UTRN: variants seen among roughly 807,000 people sequenced by gnomAD.
The protein encoded by UTRN is dystrophin-related protein 1.
A neutral mutation model predicts 463.9 loss-of-function variants in UTRN; 283 were observed. The observed-to-expected ratio is 0.61, with a 90% confidence interval of 0.55 to 0.67. The LOEUF (loss-of-function observed/expected upper bound fraction) is 0.67. UTRN is among the 30% of genes least tolerant of loss of function. The pLI, the probability that UTRN is intolerant of heterozygous loss-of-function variation, is 0.00. For synonymous variants in UTRN, 1,442 were observed against 1,431.5 expected (o/e 1.01, Z -0.17); for missense variants, 3,922 against 4,084.3 (o/e 0.96, Z 1.08).
chr6:144,734,256 G>A (rs568090861), intron 54 of UTRN, among the ~76,000 whole-genome samples: 7 of 152,224 alleles, frequency 4.6e-5, no homozygotes, highest in African/African-American at 1.4e-4. Flanking sequence ...AAACTGTAGA[G>A]AATTCTTTGA....
intron 57 of UTRN, among the ~76,000 whole-genome samples, chr6:144,757,121 CA>C (rs1000891892): frequency 6.7e-6 from 1 of 149,978 alleles, no homozygotes; most frequent in Non-Finnish European, 1.5e-5. Flanking sequence ...GTTCATTTAG[CA>C]AAATTCTTTT....
intron 23 of UTRN, among the ~76,000 whole-genome samples, chr6:144,463,839 C>T (rs1313681891): frequency 6.6e-6 from 1 of 151,198 alleles, no homozygotes; most frequent in Non-Finnish European, 1.5e-5. Flanking sequence ...GATAGATTCT[C>T]TTGGAAGCTA....
intron 60 of UTRN, among the ~76,000 whole-genome samples, chr6:144,775,119 C>A (rs538531380): frequency 1.3e-5 from 2 of 152,292 alleles, no homozygotes; most frequent in East Asian, 1.9e-4. Flanking sequence ...AAGTATTCTT[C>A]TTTGCTACCT....
chr6:144,811,875 T>C (rs1778645490), intron 65 of UTRN, among the ~76,000 whole-genome samples: 1 of 152,210 alleles, frequency 6.6e-6, no homozygotes, highest in Non-Finnish European at 1.5e-5. Flanking sequence ...ATGAGGGTGC[T>C]GTTCAACAAT....
intron 51 of UTRN, among the ~76,000 whole-genome samples, chr6:144,599,296 T>A (rs1304488621): frequency 6.6e-6 from 1 of 152,164 alleles, no homozygotes; most frequent in Non-Finnish European, 1.5e-5. Flanking sequence ...ATTAAGTAGT[T>A]CTCTTGATAT....
chr6:144,522,057 G>T lies in UTRN; in HGVS notation c.5619G>T (p.Leu1873=). The change falls in exon 40 of 75, where the codon CTG becomes CTT. Residue 1873 remains leucine, a synonymous_variant. Coordinates refer to ENST00000367545, the MANE Select transcript of UTRN (RefSeq NM_007124.3). ...CATCACTTCTTCCTACAGATTATCT[G>T]GTTGAAATTAACAAAATTTTACTTT... is the stretch of plus-strand genomic sequence containing the variant. The part of the protein sequence containing the change: ...IRSSLLPTDY[L]VEINKILLCM... The T allele has an allele frequency of 6.3e-7, 1 of 1,595,636 alleles. No individual in the cohort carries two copies. Among genetic ancestry groups the T allele is most frequent in the Non-Finnish European group, 8.5e-7 (1 of 1,172,532 alleles).
At chr6:144,696,593 G>T (rs1181802379) in intron 52 of UTRN, among the ~76,000 whole-genome samples, 2 of 151,976 alleles carry the variant, frequency 1.3e-5, no homozygotes, top group Admixed American at 6.6e-5. Context: ...GTTACTTGTT[G>T]TTCTTGGACT....
chr6:144,711,073 T>C (rs571760744), intron 53 of UTRN, among the ~76,000 whole-genome samples: 2 of 152,308 alleles, frequency 1.3e-5, no homozygotes, highest in South Asian at 2.1e-4. Flanking sequence ...ATCCCAGCAC[T>C]TTGGGAAGCC....
intron 66 of UTRN, among the ~76,000 whole-genome samples, chr6:144,821,791 C>T (rs1048911451): frequency 6.6e-6 from 1 of 151,978 alleles, no homozygotes; most frequent in Non-Finnish European, 1.5e-5. Flanking sequence ...GATTTTAAAT[C>T]TTTGAATTGC....
rs375222407 is a variant in UTRN at position 144,488,817 on chromosome 6, G to A, written c.4117G>A (p.Val1373Ile). ...YLTDRIDAFQ[V>I]PQEAQKIQAE... is the part of the protein sequence containing the mutation. ...GACTGACAGGATAGATGCTTTCCAA[G>A]TTCCACAGGAAGCTCAGGTATTGCC... is the stretch of plus-strand genomic sequence containing the variant. The change falls in exon 30 of 75, where the codon GTT (valine) becomes ATT (isoleucine). Residue 1373 changes from valine to isoleucine, a missense_variant. Val to Ile is a conservative substitution (Grantham distance 29). This residue lies in a region of UTRN where 2,349 missense variants were observed against 2,303.8 expected (regional missense o/e 1.02). Coordinates refer to ENST00000367545, the MANE Select transcript of UTRN (RefSeq NM_007124.3). The A allele has an allele frequency of 8.1e-6, 13 of 1,597,256 alleles. No individual in the cohort carries two copies. The East Asian group carries it at 1.1e-4, about 14-fold the overall frequency.
chr6:144,455,074 C>T (rs952195538), intron 19 of UTRN, among the ~76,000 whole-genome samples: 2 of 152,024 alleles, frequency 1.3e-5, no homozygotes, highest in Non-Finnish European at 2.9e-5. Flanking sequence ...CACACACACA[C>T]ACAAACACAC....
At chr6:144,642,803 T>G (rs1777903583) in intron 51 of UTRN, among the ~76,000 whole-genome samples, 1 of 152,190 alleles carries the variant, frequency 6.6e-6, no homozygotes, top group Non-Finnish European at 1.5e-5. Context: ...TTTTTAATAT[T>G]GATTTCCCTG....
At position 144,516,285 on chromosome 6, in the gene UTRN, A is replaced by G. The variant is rs146615930; in HGVS notation, c.5301A>G (p.Glu1767=). ...GTTTGGTCACCACTGAAACATTTGA[A>G]ACTGGTGTGCCTTTCTCTGACTTGG... is the stretch of plus-strand genomic sequence containing the variant. ...YQCLVTTETF[E]TGVPFSDLEK... is the part of the protein sequence containing the mutation. The change falls in exon 38 of 75, where the codon GAA becomes GAG. Residue 1767 remains glutamate, a synonymous_variant. Transcript: ENST00000367545. 3,040 of 1,613,956 alleles carry G rather than the reference A, an allele frequency of 1.9e-3. 8 individuals are homozygous for G. The highest frequency in any genetic ancestry group is 1.8e-3 in the Non-Finnish European group (2,160 of 1,179,954).
intron 2 of UTRN, among the ~76,000 whole-genome samples, chr6:144,353,493 A>G (rs1464375124): frequency 6.0e-5 from 9 of 150,740 alleles, no homozygotes; most frequent in Non-Finnish European, 1.3e-4. Flanking sequence ...TCTGGGCCCA[A>G]GTAATCCTTC....
At chr6:144,367,391 CT>C (rs572954958) in intron 2 of UTRN, among the ~76,000 whole-genome samples, 3 of 151,200 alleles carry the variant, frequency 2.0e-5, no homozygotes, top group African/African-American at 7.3e-5. Flanking sequence ...AGAACTGTCA[CT>C]TTTTTTGGTT....
intron 2 of UTRN, chr6:144,344,035 A>G (rs1777357775): frequency 1.4e-6 from 1 of 694,412 alleles, no homozygotes; most frequent in South Asian, 2.1e-5. Context: ...TCTGGTGTTT[A>G]GAGGAGGTGG....
chr6:144,552,071 T>G (rs1798970715), intron 48 of UTRN, among the ~76,000 whole-genome samples: 1 of 152,234 alleles, frequency 6.6e-6, no homozygotes. Flanking sequence ...TATCCGTCTT[T>G]CTGCCCTTGG....
chr6:144,620,595 T>C (rs576886977), intron 51 of UTRN, among the ~76,000 whole-genome samples: 1 of 152,254 alleles, frequency 6.6e-6, no homozygotes, highest in African/African-American at 2.4e-5. Context: ...TTACTACTTT[T>C]TTTCCATCTC....
chr6:144,669,277 AGAG>A lies in UTRN; in HGVS notation c.7480-9128_7480-9126del, dbSNP rs1381509730. ...TTTGAGTTTAACTTTTTGAAAACTC[AGAG>A]AAGTATAGAGATGAAAACTAAACTT... is the stretch of plus-strand genomic sequence containing the variant. On this transcript the variant is annotated intron_variant, in intron 51 of 74. Coordinates refer to ENST00000367545, the MANE Select transcript of UTRN (RefSeq NM_007124.3). 8.5e-5 allele frequency among the ~76,000 whole-genome samples: 13 copies of A among 152,362 alleles called. No individual in the cohort carries two copies. The South Asian group carries it at 2.5e-3, about 29-fold the overall frequency.
Sources: allele counts gnomAD v4.1 joint callset (sites outside exome capture counted in the v4.1 genomes callset), GRCh38; gene constraint gnomAD v4.1.1; regional missense constraint gnomAD v4.1.1; transcripts MANE v1.5; gene names NCBI Gene and HGNC (gene_info 2026-07-23, HGNC 2026-07-21).